Variants in CHEK2 observed in about 807,000 individuals in gnomAD.
The protein encoded by CHEK2 is checkpoint kinase 2, also known as serine/threonine-protein kinase Chk2.
A neutral mutation model predicts 69.1 loss-of-function variants in CHEK2; 71 were observed. The ratio of observed to expected loss-of-function variants is 1.03; its 90% CI spans 0.85 to 1.25. The LOEUF (loss-of-function observed/expected upper bound fraction) is 1.25. CHEK2 is among the 50% of genes most tolerant of loss of function. The pLI is 0.00. For missense variants in CHEK2, 664 were observed against 649.6 expected, an observed-to-expected ratio of 1.02 and a Z score of -0.24; for synonymous variants, 189 against 226.9, an observed-to-expected ratio of 0.83 and a Z score of 1.50.
chr22:28,703,639 T>A (rs2052988894), intron 7 of CHEK2, 73 bp from the exon 8 acceptor site: 1 of 970,730 alleles, frequency 1.0e-6, no homozygotes, highest in East Asian at 2.6e-5. Flanking sequence ...GCTTAGAACA[T>A]CTGCCCAGAG....
chr22:28,705,324 G>A (rs760773067), intron 7 of CHEK2, among the ~76,000 whole-genome samples: 7 of 151,604 alleles, frequency 4.6e-5, no homozygotes, highest in Non-Finnish European at 5.9e-5. Context: ...TGATCCACCC[G>A]CCTCAGCCTC....
At chr22:28,738,306 T>C (rs927009182) in intron 1 of CHEK2, among the ~76,000 whole-genome samples, 4 of 152,196 alleles carry the variant, frequency 2.6e-5, no homozygotes, top group Non-Finnish European at 5.9e-5. Flanking sequence ...ACTGCTGGTC[T>C]AATACTACCT....
At chr22:28,697,098 C>T in intron 9 of CHEK2, 111 bp from the exon 10 acceptor site, 1 of 731,964 alleles carries the variant, frequency 1.4e-6, no homozygotes, top group East Asian at 2.6e-5. Flanking sequence ...AGCCGTGATA[C>T]ACACAACCAT....
intron 9 of CHEK2, among the ~76,000 whole-genome samples, chr22:28,697,558 T>C (rs2052641636): frequency 6.6e-6 from 1 of 151,694 alleles, no homozygotes; most frequent in South Asian, 2.1e-4. Context: ...CATATTTCTT[T>C]TCTTTTCTTT....
chr22:28,737,689 GT>G (rs2054453470), intron 1 of CHEK2, among the ~76,000 whole-genome samples: 1 of 151,728 alleles, frequency 6.6e-6, no homozygotes, highest in South Asian at 2.1e-4. Flanking sequence ...GGCCAGCCTG[GT>G]CTCAAACTGC....
At chr22:28,705,968 A>AAAACTAAACTAAACTAAACTAAACT (rs60257889) in intron 7 of CHEK2, among the ~76,000 whole-genome samples, 103 of 147,536 alleles carry the variant, frequency 7.0e-4, no homozygotes, top group African/African-American at 1.8e-3. Context: ...AACTAAACTA[A>AAAACTAAACTAAACTAAACTAAACT]AAACTAAACT....
At chr22:28,699,149 T>C (rs1569119465) in intron 9 of CHEK2, among the ~76,000 whole-genome samples, 1 of 151,882 alleles carries the variant, frequency 6.6e-6, no homozygotes, top group Non-Finnish European at 1.5e-5. Flanking sequence ...AGACCACAGG[T>C]GCCCGCCACC....
intron 5 of CHEK2, among the ~76,000 whole-genome samples, chr22:28,714,771 C>G (rs2078555): frequency 0.3 from 45,318 of 151,996 alleles, 7,043 homozygotes; most frequent in Admixed American, 0.35. Flanking sequence ...AGTTTTACCT[C>G]TTATATTTCA....
At chr22:28,711,673 C>G (rs2053395948) in intron 6 of CHEK2, among the ~76,000 whole-genome samples, 1 of 151,880 alleles carries the variant, frequency 6.6e-6, no homozygotes, top group African/African-American at 2.4e-5. Context: ...AAAAAAACTT[C>G]CCACTATGCT....
Position 28,719,500 on chromosome 22 carries a change from A to T in CHEK2, c.593-15T>A, listed in dbSNP as rs757717459. Reference sequence around the variant, plus strand: ...AAAGACAAAAACTAAGGAAGAAAAGAGTAGAAATGGGTTTCATTAATTTAT... The same window carrying T: ...AAAGACAAAAACTAAGGAAGAAAAGTGTAGAAATGGGTTTCATTAATTTAT... On this transcript the variant is annotated splice_polypyrimidine_tract_variant and intron_variant, in intron 4 of 14. Coordinates refer to ENST00000404276, the MANE Select transcript of CHEK2 (RefSeq NM_007194.4). 3 of 1,459,384 alleles carry T rather than the reference A, an allele frequency of 2.1e-6. No individual in the cohort carries two copies. The highest frequency in any genetic ancestry group is 1.8e-4 in the Middle Eastern group (1 of 5,656). The allele number at this position is 1,459,384 out of a possible 1,614,324, so 90.4% of individuals were successfully genotyped here.
chr22:28,704,195 T>A (rs559237005), intron 7 of CHEK2, among the ~76,000 whole-genome samples: 1 of 151,224 alleles, frequency 6.6e-6, no homozygotes, highest in African/African-American at 2.4e-5. Context: ...CACTGATCAA[T>A]GCAGGGTGCA....
chr22:28,717,976 G>A (rs1213213283), intron 5 of CHEK2, among the ~76,000 whole-genome samples: 1 of 152,194 alleles, frequency 6.6e-6, no homozygotes, highest in Non-Finnish European at 1.5e-5. Flanking sequence ...AGCTACTCAG[G>A]AGGCTGAGGC....
chr22:28,699,429 G>C (rs2052732007), intron 9 of CHEK2, among the ~76,000 whole-genome samples: 1 of 122,826 alleles, frequency 8.1e-6, no homozygotes. Flanking sequence ...ACAGTGGCAT[G>C]ATCTCAGCAC....
chr22:28,706,666 C>A (rs1292134937), intron 7 of CHEK2, among the ~76,000 whole-genome samples: 1 of 152,108 alleles, frequency 6.6e-6, no homozygotes, highest in Non-Finnish European at 1.5e-5. Context: ...CGTCTGTAAT[C>A]CCAGCACTTT....
chr22:28,739,385 A>C (rs1342897225), intron 1 of CHEK2, among the ~76,000 whole-genome samples: 2 of 152,008 alleles, frequency 1.3e-5, no homozygotes, highest in Admixed American at 1.3e-4. Flanking sequence ...CACTGGAGAA[A>C]TATAAATCAA....
intron 7 of CHEK2, among the ~76,000 whole-genome samples, chr22:28,704,299 T>C (rs934032430): frequency 6.6e-6 from 1 of 151,784 alleles, no homozygotes; most frequent in Admixed American, 6.6e-5. Flanking sequence ...ATTTTTTTTT[T>C]AATTTTTCTT....
Position 28,711,899 on chromosome 22 carries a change from T to C in CHEK2, c.792+10A>G, listed in dbSNP as rs753836819. On this transcript the variant is annotated intron_variant, in intron 6 of 14. Coordinates refer to ENST00000404276, the MANE Select transcript of CHEK2 (RefSeq NM_007194.4). ...TAATAAAAGGTGATCAGCCTTTTAT[T>C]GGTACTTACTGCCTCTCTTGCTGAA... 3.2e-6 allele frequency: 5 copies of C among 1,566,428 alleles called. No individual in the cohort carries two copies. In the African/African-American group the frequency reaches 5.4e-5, roughly 17 times the overall value.
At chr22:28,708,403 T>TGTGTGTGTGTGTGTGTGTGTGTG (rs2053251866) in intron 7 of CHEK2, among the ~76,000 whole-genome samples, 1 of 50,220 alleles carries the variant, frequency 2.0e-5, no homozygotes, top group Non-Finnish European at 5.6e-5. Flanking sequence ...GTGTGTGTGT[T>TGTGTGTGTGTGTGTGTGTGTGTG]AAAGAGAGAC....
chr22:28,693,095 C>CA (rs201520475), intron 13 of CHEK2, among the ~76,000 whole-genome samples: 34 of 151,374 alleles, frequency 2.2e-4, no homozygotes, highest in East Asian at 1.2e-3. Context: ...ATACACAAAC[C>CA]AAAAAAAAAT....
Sources: allele counts gnomAD v4.1 joint callset (sites outside exome capture counted in the v4.1 genomes callset), GRCh38; gene constraint gnomAD v4.1.1; transcripts MANE v1.5; gene names NCBI Gene and HGNC (gene_info 2026-07-23, HGNC 2026-07-21).